TBX15: variants seen among roughly 807,000 people sequenced by gnomAD.
TBX15 encodes the protein T-box transcription factor TBX15.
TBX15 carries 18 observed loss-of-function variants against 53.9 expected under a neutral mutation model. That is an observed-to-expected ratio of 0.33 (90% CI 0.23 to 0.49). The LOEUF (loss-of-function observed/expected upper bound fraction) is 0.49, where lower values mean the gene tolerates loss of function less well. TBX15 is among the 20% of genes least tolerant of loss of function. TBX15 has a pLI of 0.98. For synonymous variants in TBX15, 295 were observed against 278.0 expected (o/e 1.06, Z -0.61); for missense variants, 692 against 749.5 (o/e 0.92, Z 0.90).
intron 7 of TBX15, among the ~76,000 whole-genome samples, chr1:118,886,399 G>A (rs141354617): frequency 1.1e-4 from 16 of 152,234 alleles, no homozygotes; most frequent in African/African-American, 3.6e-4. Context: ...GGTAACCTTA[G>A]GCACATCACT....
intron 1 of TBX15, among the ~76,000 whole-genome samples, chr1:118,967,148 A>C (rs2101691251): frequency 6.6e-6 from 1 of 152,344 alleles, no homozygotes; most frequent in Non-Finnish European, 1.5e-5. Context: ...TTGTACTCCA[A>C]TACCATCACT....
chr1:118,979,890 A>G (rs1285541817), intron 1 of TBX15, among the ~76,000 whole-genome samples: 11 of 151,714 alleles, frequency 7.3e-5, no homozygotes, highest in African/African-American at 2.7e-4. Context: ...GAGAACAGGA[A>G]CTCGGGCTGG....
chr1:118,951,705 A>G (rs1269666798), intron 1 of TBX15, among the ~76,000 whole-genome samples: 2 of 152,168 alleles, frequency 1.3e-5, no homozygotes, highest in African/African-American at 4.8e-5. Context: ...CCTGGGCCAG[A>G]ATTGCTTCCT....
At chr1:118,931,973 C>T in intron 1 of TBX15, 141 bp from the exon 2 acceptor site, 1 of 722,768 alleles carries the variant, frequency 1.4e-6, no homozygotes, top group Non-Finnish European at 2.3e-6. Context: ...AGCTCCAGAG[C>T]ACAGCACTCA....
chr1:118,958,002 A>T (rs1181867744), intron 1 of TBX15, among the ~76,000 whole-genome samples: 4 of 152,252 alleles, frequency 2.6e-5, no homozygotes, highest in Admixed American at 1.3e-4. Context: ...CAATATTTTT[A>T]AAAATTAAAA....
intron 7 of TBX15, among the ~76,000 whole-genome samples, chr1:118,893,491 AAAGAAAGAAAGAAAGAAAGAAAG>A (rs1447775817): frequency 9.6e-6 from 1 of 104,170 alleles, no homozygotes; most frequent in African/African-American, 6.4e-5. Context: ...GGAAGGAAAG[AAAGAAAGAAAGAAAGAAAGAAAG>A]AAAGAAAGAA....
intron 5 of TBX15, among the ~76,000 whole-genome samples, chr1:118,915,867 T>C (rs1283867949): frequency 6.6e-6 from 1 of 152,216 alleles, no homozygotes. Flanking sequence ...CTCTACTTCA[T>C]GGGCCCGGGG....
intron 1 of TBX15, among the ~76,000 whole-genome samples, chr1:118,984,344 C>T (rs189221073): frequency 6.6e-6 from 1 of 152,250 alleles, no homozygotes; most frequent in Admixed American, 6.5e-5. Context: ...AATCCCTCCA[C>T]AGAAGGTTTA....
chr1:118,889,201 C>A (rs1335952978), intron 7 of TBX15, among the ~76,000 whole-genome samples: 1 of 152,158 alleles, frequency 6.6e-6, no homozygotes, highest in African/African-American at 2.4e-5. Flanking sequence ...CAGATAACAG[C>A]AATTTTTCAA....
At chr1:118,892,687 A>G (rs1196373942) in intron 7 of TBX15, among the ~76,000 whole-genome samples, 4 of 152,120 alleles carry the variant, frequency 2.6e-5, no homozygotes, top group African/African-American at 9.7e-5. Context: ...TACTGGGTTT[A>G]TTTCTTTCAA....
chr1:118,924,826 A>G lies in TBX15; in HGVS notation c.522-9T>C. 4 of 1,613,970 alleles carry G rather than the reference A, an allele frequency of 2.5e-6. No individual in the cohort carries two copies. The highest frequency in any genetic ancestry group is 3.4e-6 in the Non-Finnish European group (4 of 1,179,902). ...AGCTATGATACACATATCTGAGATAAAGAGGAAGAGAGGAAAATTCAGAGA... is the reference window on the plus strand; with the variant it reads ...AGCTATGATACACATATCTGAGATAGAGAGGAAGAGAGGAAAATTCAGAGA... On this transcript the variant is annotated splice_polypyrimidine_tract_variant and intron_variant, in intron 3 of 7. Coordinates refer to ENST00000369429, the MANE Select transcript of TBX15 (RefSeq NM_001330677.2).
intron 1 of TBX15, among the ~76,000 whole-genome samples, chr1:118,957,739 G>A (rs1055835525): frequency 3.3e-5 from 5 of 152,034 alleles, no homozygotes; most frequent in South Asian, 4.1e-4. Context: ...TTTTGTCCTC[G>A]CGATAGTTTG....
At chr1:118,942,961 G>C (rs559915367) in intron 1 of TBX15, among the ~76,000 whole-genome samples, 1 of 152,286 alleles carries the variant, frequency 6.6e-6, no homozygotes, top group East Asian at 1.9e-4. Context: ...TGTCTGCAGT[G>C]AAGTGGGGTT....
chr1:118,899,154 T>G, intron 6 of TBX15, 29 bp from the exon 7 acceptor site: 1 of 1,599,022 alleles, frequency 6.3e-7, no homozygotes, highest in Non-Finnish European at 8.6e-7. Context: ...GCAAAGGAAG[T>G]CATAAATAAT....
chr1:118,931,733 G>C lies in TBX15; in HGVS notation c.305C>G (p.Pro102Arg), dbSNP rs1420822752. 1 of 1,613,846 alleles carries C rather than the reference G, an allele frequency of 6.2e-7. No homozygotes were observed. Among genetic ancestry groups the C allele is most frequent in the African/African-American group, 1.3e-5 (1 of 74,928 alleles). ...CATGGAAGACATGGCAGCAGGCACA[G>C]GGCCTGCAGCACCAGAGGCCAGGTC... ...HTDLASGAAGPVPAAMSSMEE... is the reference protein window; with the variant it reads ...HTDLASGAAGRVPAAMSSMEE... Residue 102 changes from proline (P) to arginine (R), a missense_variant, in exon 2 of 8, where the codon CCT becomes CGT. Transcript: ENST00000369429.
At position 118,953,092 on chromosome 1, in the gene TBX15, T is replaced by C. The variant is rs1256344213; in HGVS notation, c.206-21260A>G. Among the ~76,000 whole-genome samples the C allele has an allele frequency of 2.8e-5, 4 of 145,346 alleles. No individual in the cohort carries two copies. In the East Asian group the frequency reaches 6.1e-4, roughly 22 times the overall value. On this transcript the variant is annotated intron_variant, in intron 1 of 7. Transcript: ENST00000369429. Reference sequence around the variant, plus strand: ...GGAATAGTTTCTGAAAAAAAAAAAATACACCTGTGGCCAACTAACAGTATT... The same window carrying C: ...GGAATAGTTTCTGAAAAAAAAAAAACACACCTGTGGCCAACTAACAGTATT...
intron 7 of TBX15, among the ~76,000 whole-genome samples, chr1:118,895,225 A>G (rs1247981157): frequency 2.6e-5 from 4 of 152,144 alleles, no homozygotes; most frequent in African/African-American, 9.7e-5. Flanking sequence ...GAAACACCCA[A>G]TGGTACTGAA....
chr1:118,912,348 A>G (rs1202821091), intron 6 of TBX15, among the ~76,000 whole-genome samples: 1 of 151,996 alleles, frequency 6.6e-6, no homozygotes, highest in Non-Finnish European at 1.5e-5. Flanking sequence ...AAAGATATAG[A>G]CCTCTCTCCA....
At chr1:118,892,933 T>C (rs979391103) in intron 7 of TBX15, among the ~76,000 whole-genome samples, 1 of 152,106 alleles carries the variant, frequency 6.6e-6, no homozygotes, top group African/African-American at 2.4e-5. Context: ...GTTGTTATCT[T>C]CACTTAAGAA....
Sources: gnomAD v4.1 joint callset for allele counts (sites outside exome capture counted in the v4.1 genomes callset) on GRCh38, gnomAD v4.1.1 for gene constraint, MANE v1.5 for transcripts, NCBI Gene and HGNC (gene_info 2026-07-23, HGNC 2026-07-21) for gene names.